Variants in PCDHGA4 observed in about 807,000 individuals in gnomAD.
PCDHGA4 encodes protocadherin gamma-A4.
Under a neutral mutation model 54.6 loss-of-function variants are expected in PCDHGA4, and 38 were observed. The observed-to-expected ratio is 0.70, with a 90% CI of 0.54 to 0.91. The LOEUF is 0.91. PCDHGA4 is among the 40% of genes least tolerant of loss of function. The pLI, the probability that PCDHGA4 is intolerant of heterozygous loss-of-function variation, is 0.00. For synonymous variants in PCDHGA4, 511 were observed against 512.9 expected (o/e 1.00, Z 0.05); for missense variants, 1,298 against 1,220.9 (o/e 1.06, Z -0.94).
rs1308930168 is a variant in PCDHGA4, at chr5:141,489,620, A to G, written c.2515-5187A>G. 2.5e-6 allele frequency: 4 copies of G among 1,614,058 alleles called. No individual in the cohort carries two copies. Among genetic ancestry groups the G allele is most frequent in the South Asian group, 2.2e-5 (2 of 91,072 alleles). The stretch of plus-strand genomic sequence containing the variant: ...GTAGAGGTAGAGATCCTGGATCTCA[A>G]TGACAACTCTCCTAGCTTTGCCACC... On this transcript the variant is annotated intron_variant, in intron 1 of 3. Transcript: ENST00000571252. This position sits in a 1 kb window ranked among gnomAD's most constrained non-coding sequence, Gnocchi z 4.5.
chr5:141,433,208 C>CA, intron 1 of PCDHGA4: 1 of 1,293,080 alleles, frequency 7.7e-7, no homozygotes, highest in Non-Finnish European at 1.1e-6. Context: ...AATCTTCTTT[C>CA]TTTTTTTTTT....
Position 141,490,896 on chromosome 5 carries a change from G to A in PCDHGA4, c.2515-3911G>A. 6.2e-7 allele frequency: 1 copy of A among 1,613,938 alleles called. No homozygotes were observed. Among genetic ancestry groups the A allele is most frequent in the Non-Finnish European group, 8.5e-7 (1 of 1,179,922 alleles). ...TGCATGCCAACACATCTCTGCATGTGTTTGTCCTAGACGAGAATGATAATG... is the reference window on the plus strand; with the variant it reads ...TGCATGCCAACACATCTCTGCATGTATTTGTCCTAGACGAGAATGATAATG... On this transcript the variant is annotated intron_variant, in intron 1 of 3. Coordinates refer to ENST00000571252, the MANE Select transcript of PCDHGA4 (RefSeq NM_018917.4). This position sits in a 1 kb window ranked among gnomAD's most constrained non-coding sequence, Gnocchi z 5.4.
At chr5:141,364,335 C>A in intron 1 of PCDHGA4, 1 of 1,532,788 alleles carries the variant, frequency 6.5e-7, no homozygotes, top group South Asian at 1.3e-5. Flanking sequence ...AAGGCAATGG[C>A]GAGTCCACCT....
At chr5:141,370,684 G>A in intron 1 of PCDHGA4, 1 of 1,613,842 alleles carries the variant, frequency 6.2e-7, no homozygotes, top group Non-Finnish European at 8.5e-7. Context: ...GAGATTTGTG[G>A]CAAGAAGTCG....
chr5:141,358,643 A>G (rs1291324695), intron 1 of PCDHGA4, among the ~76,000 whole-genome samples: 1 of 152,082 alleles, frequency 6.6e-6, no homozygotes, highest in Non-Finnish European at 1.5e-5. Context: ...ATATATAAGT[A>G]GATTCTAGGA....
intron 1 of PCDHGA4, among the ~76,000 whole-genome samples, chr5:141,466,493 A>G (rs2099123402): frequency 6.6e-6 from 1 of 152,226 alleles, no homozygotes; most frequent in South Asian, 2.1e-4. Context: ...TTCTTTAATT[A>G]GAGCACAGAC....
intron 3 of PCDHGA4, among the ~76,000 whole-genome samples, chr5:141,509,568 C>T (rs535982453): frequency 3.3e-5 from 5 of 152,336 alleles, no homozygotes; most frequent in Admixed American, 2.0e-4. Flanking sequence ...GCAGCCTTCA[C>T]AGTGCGTACA....
In PCDHGA4 at chr5:141,486,070, T is replaced by G; in HGVS notation, c.2515-8737T>G. The G allele has an allele frequency of 6.2e-7, 1 of 1,614,158 alleles. No individual in the cohort carries two copies. Among genetic ancestry groups the G allele is most frequent in the Non-Finnish European group, 8.5e-7 (1 of 1,180,010 alleles). On this transcript the variant is annotated intron_variant, in intron 1 of 3. Coordinates refer to ENST00000571252, the MANE Select transcript of PCDHGA4 (RefSeq NM_018917.4). This position sits in a 1 kb window ranked among gnomAD's most constrained non-coding sequence, Gnocchi z 5.0. ...ACCTCTTTAGCCTGCACCCCACTAC[T>G]GGAAAGCTTACTCTTTTGGGGCCCC...
intron 1 of PCDHGA4, chr5:141,389,189 C>CATCA: frequency 6.2e-7 from 1 of 1,614,032 alleles, no homozygotes; most frequent in Non-Finnish European, 8.5e-7. Context: ...CCAGTTCCAG[C>CATCA]ATCACCCTGC....
chr5:141,463,438 CTTTTTTT>C (rs71576115), intron 1 of PCDHGA4, among the ~76,000 whole-genome samples: 1 of 103,252 alleles, frequency 9.7e-6, no homozygotes, highest in Non-Finnish European at 1.9e-5. Flanking sequence ...TTTCCTTCTC[CTTTTTTT>C]TTTTTTTTTT....
At chr5:141,385,189 C>T (rs368141492) in intron 1 of PCDHGA4, 2 of 1,614,222 alleles carry the variant, frequency 1.2e-6, no homozygotes, top group Non-Finnish European at 1.7e-6. Context: ...CGCGGACTCT[C>T]GGAAGAGTCA....
In PCDHGA4 at chr5:141,432,627, C is replaced by G. The variant is rs886117102; in HGVS notation, c.2515-62180C>G. On this transcript the variant is annotated intron_variant, in intron 1 of 3. Transcript: ENST00000571252. This position sits in a 1 kb window ranked among gnomAD's most constrained non-coding sequence, Gnocchi z 6.0. The stretch of plus-strand genomic sequence containing the variant: ...GGACTCTTCTCGGTGGGTCTGCACA[C>G]GGGCGAGGTGCGCACGGCGCGAGCC... The G allele has an allele frequency of 1.2e-6, 2 of 1,613,652 alleles. No individual in the cohort carries two copies. The highest frequency in any genetic ancestry group is 2.7e-5 in the African/African-American group (2 of 74,886).
chr5:141,361,999 C>T, intron 1 of PCDHGA4: 2 of 1,603,024 alleles, frequency 1.2e-6, no homozygotes, highest in East Asian at 2.2e-5. Context: ...CCTGGGGTTG[C>T]GCACGGGTGA....
At chr5:141,478,500 T>C (rs754881921) in intron 1 of PCDHGA4, 16 of 1,612,740 alleles carry the variant, frequency 9.9e-6, no homozygotes, top group Non-Finnish European at 1.4e-5. Context: ...TGTGATCCGG[T>C]GTTCTATAGG....
chr5:141,416,412 A>G (rs1391280535), intron 1 of PCDHGA4: 1 of 152,182 alleles, frequency 6.6e-6, no homozygotes, highest in Non-Finnish European at 1.5e-5. Flanking sequence ...TTTTTGTTAA[A>G]TTTTCTAGTG....
Position 141,356,830 on chromosome 5 carries a change from A to C in PCDHGA4, c.1723A>C (p.Ser575Arg). The stretch of plus-strand genomic sequence containing the variant: ...TGACAGTGGAGACCCTCCACTCAGC[A>C]GCAATGTGTCACTGAGCCTCTTTGT... Reference protein sequence around the residue: ...ASDSGDPPLSSNVSLSLFVLD... With the variant: ...ASDSGDPPLSRNVSLSLFVLD... The change falls in exon 1 of 4, where the codon AGC (serine) becomes CGC (arginine). Residue 575 changes from serine (S) to arginine (R), a missense_variant. By Grantham distance (110) the Ser-to-Arg change is moderately radical. Transcript: ENST00000571252. 1 of 1,614,156 alleles carries C rather than the reference A, an allele frequency of 6.2e-7. No homozygotes were observed. Among genetic ancestry groups the C allele is most frequent in the Non-Finnish European group, 8.5e-7 (1 of 1,179,992 alleles).
intron 1 of PCDHGA4, among the ~76,000 whole-genome samples, chr5:141,484,544 A>G (rs1160398392): frequency 6.6e-6 from 1 of 152,144 alleles, no homozygotes; most frequent in Non-Finnish European, 1.5e-5. Flanking sequence ...CAGTGGTTCT[A>G]ATTAGCAGTT....
In PCDHGA4 at chr5:141,357,176, C is replaced by T. The variant is rs773715836; in HGVS notation, c.2069C>T (p.Thr690Ile). Reference protein sequence around the residue: ...HGQPPLSATVTLTVAVADSIP... With the variant: ...HGQPPLSATVILTVAVADSIP... ...CAGCCCCCTCTCTCGGCCACCGTCA[C>T]ACTCACTGTGGCTGTGGCCGACAGC... The change falls in exon 1 of 4, where the codon ACA (threonine) becomes ATA (isoleucine). Residue 690 changes from threonine to isoleucine, a missense_variant. Physicochemically the swap from Thr to Ile is moderately conservative, Grantham distance 89. Coordinates refer to ENST00000571252, the MANE Select transcript of PCDHGA4 (RefSeq NM_018917.4). 6.2e-7 allele frequency: 1 copy of T among 1,613,788 alleles called. No individual in the cohort carries two copies. The highest frequency in any genetic ancestry group is 1.7e-5 in the Admixed American group (1 of 60,032).
At chr5:141,406,332 G>A (rs957923011) in intron 1 of PCDHGA4, among the ~76,000 whole-genome samples, 4 of 152,142 alleles carry the variant, frequency 2.6e-5, no homozygotes, top group East Asian at 1.9e-4. Context: ...TTACTCCTAC[G>A]ATCATTTATT....
Sources: allele counts gnomAD v4.1 joint callset (sites outside exome capture counted in the v4.1 genomes callset), GRCh38; gene constraint gnomAD v4.1.1; non-coding constraint Gnocchi (gnomAD v3.1); transcripts MANE v1.5; gene names NCBI Gene and HGNC (gene_info 2026-07-23, HGNC 2026-07-21).